ST6GALNAC2: variants seen among roughly 807,000 people sequenced by gnomAD.
The protein encoded by ST6GALNAC2 is alpha-N-acetylgalactosaminide alpha-2,6-sialyltransferase 2.
ST6GALNAC2 carries 42 observed loss-of-function variants against 38.7 expected under a neutral mutation model. The ratio of observed to expected loss-of-function variants is 1.09; its 90% CI spans 0.85 to 1.40. The LOEUF is 1.40. ST6GALNAC2 is among the 40% of genes most tolerant of loss of function. The pLI is 0.00. For synonymous variants in ST6GALNAC2, 233 were observed against 209.0 expected (o/e 1.11, Z -0.99); for missense variants, 506 against 481.7 (o/e 1.05, Z -0.47).
chr17:76,579,630 T>C (rs2075453956), intron 1 of ST6GALNAC2, among the ~76,000 whole-genome samples: 1 of 152,196 alleles, frequency 6.6e-6, no homozygotes, highest in Admixed American at 6.5e-5. Context: ...GATGAGACCT[T>C]TAAGAGGTGA....
At chr17:76,578,893 C>T (rs2075446555) in intron 1 of ST6GALNAC2, 77 bp from the exon 2 acceptor site, 1 of 1,340,092 alleles carries the variant, frequency 7.5e-7, no homozygotes, top group Non-Finnish European at 1.0e-6. Context: ...TGACCGACCC[C>T]CTTAGCTCTA....
chr17:76,583,200 C>T (rs982065930), intron 1 of ST6GALNAC2, among the ~76,000 whole-genome samples: 3 of 151,876 alleles, frequency 2.0e-5, no homozygotes, highest in African/African-American at 7.3e-5. Flanking sequence ...ACGGTGAAAA[C>T]CTGTCTGTAC....
chr17:76,582,163 CCTTTT>C (rs2075485471), intron 1 of ST6GALNAC2, among the ~76,000 whole-genome samples: 1 of 125,458 alleles, frequency 8.0e-6, no homozygotes, highest in Non-Finnish European at 1.6e-5. Context: ...CCGTGCCCAG[CCTTTT>C]TTTTTTTTTT....
In ST6GALNAC2 at chr17:76,568,698, C is replaced by T. The variant is rs761521083; in HGVS notation, c.857+15G>A. 30 of 1,613,234 alleles carry T rather than the reference C, an allele frequency of 1.9e-5. No homozygotes were observed. Among genetic ancestry groups the T allele is most frequent in the African/African-American group, 2.7e-5 (2 of 74,884 alleles). On this transcript the variant is annotated intron_variant, in intron 7 of 8. Coordinates refer to ENST00000225276, the MANE Select transcript of ST6GALNAC2 (RefSeq NM_006456.3). ...AAGGAAGGGGACGCTGTTCTTCAGG[C>T]ACCCCACTCCGTACCTTTCTGTCAG...
intron 3 of ST6GALNAC2, 141 bp downstream of exon 3, chr17:76,574,224 C>T: frequency 2.0e-6 from 2 of 999,654 alleles, no homozygotes; most frequent in Non-Finnish European, 2.9e-6. Flanking sequence ...AGTTGCATAG[C>T]TGGGGCTTCT....
chr17:76,566,991 ACT>A (rs953618024), intron 8 of ST6GALNAC2, among the ~76,000 whole-genome samples: 12 of 151,934 alleles, frequency 7.9e-5, no homozygotes, highest in African/African-American at 1.2e-4. Flanking sequence ...ATCAGGAATG[ACT>A]CTTAACGGTG....
Position 76,570,607 on chromosome 17 carries a change from A to G in ST6GALNAC2, c.731T>C (p.Ile244Thr), listed in dbSNP as rs1347110678. The G allele has an allele frequency of 6.2e-7, 1 of 1,613,350 alleles. No individual in the cohort carries two copies. The highest frequency in any genetic ancestry group is 1.7e-5 in the Admixed American group (1 of 59,954). Residue 244 changes from isoleucine to threonine, a missense_variant, in exon 6 of 9, where the codon ATT (isoleucine) becomes ACT (threonine). Coordinates refer to ENST00000225276, the MANE Select transcript of ST6GALNAC2 (RefSeq NM_006456.3). The stretch of plus-strand genomic sequence containing the variant: ...GCCCTCAGGGACAGGCACGCCCAGA[A>G]TGGCCGATCTCAGCATCACATAGTC... ...IRDYVMLRSA[I>T]LGVPVPEGLD...
Position 76,572,565 on chromosome 17 carries a change from C to T in ST6GALNAC2, c.669+72G>A, listed in dbSNP as rs1448261367. 8 of 1,569,672 alleles carry T rather than the reference C, an allele frequency of 5.1e-6. No individual in the cohort carries two copies. In the South Asian group the frequency reaches 7.9e-5, roughly 16 times the overall value. ...GGACCAGGGTGTGTGAGCCCTGTGG[C>T]CCCCACTGAGGGGACTCCAGGAACA... On this transcript the variant is annotated intron_variant, in intron 5 of 8. Coordinates refer to ENST00000225276, the MANE Select transcript of ST6GALNAC2 (RefSeq NM_006456.3).
At position 76,565,802 on chromosome 17, in the gene ST6GALNAC2, T is replaced by A. The variant is rs987699374; in HGVS notation, c.*302A>T. Reference sequence around the variant, plus strand: ...TTTGCCTTTGACCTGGACTGCTGTCTGATCTTGCTGAACACTCCACCGACA... The same window carrying A: ...TTTGCCTTTGACCTGGACTGCTGTCAGATCTTGCTGAACACTCCACCGACA... On this transcript the variant is annotated 3_prime_UTR_variant, in exon 9 of 9. Transcript: ENST00000225276. 1.0e-5 allele frequency: 3 copies of A among 286,006 alleles called. No individual in the cohort carries two copies. The highest frequency in any genetic ancestry group is 2.0e-5 in the Non-Finnish European group (3 of 152,114). The allele number at this position is 286,006 out of a possible 1,614,324, so 17.7% of individuals were successfully genotyped here.
chr17:76,574,239 GGA>G, intron 3 of ST6GALNAC2, 124 bp downstream of exon 3: 3 of 1,131,296 alleles, frequency 2.7e-6, no homozygotes, highest in Middle Eastern at 2.2e-4. Flanking sequence ...GCTTCTGGGA[GGA>G]GAGAGGGGGA....
chr17:76,567,166 C>T (rs1598241085), intron 8 of ST6GALNAC2, among the ~76,000 whole-genome samples: 1 of 152,166 alleles, frequency 6.6e-6, no homozygotes, highest in South Asian at 2.1e-4. Flanking sequence ...TGAGTGGCTG[C>T]CTTGGAGAAG....
Position 76,565,918 on chromosome 17 carries a change from C to A in ST6GALNAC2, c.*186G>T. 1.7e-6 allele frequency: 1 copy of A among 596,562 alleles called. No homozygotes were observed. Among genetic ancestry groups the A allele is most frequent in the Admixed American group, 3.2e-5 (1 of 31,022 alleles). 37.0% of individuals were successfully genotyped at this position (596,562 alleles called of 1,614,324 possible). ...GTATTGTTTTAGATACAGAAGAGTTCTTGGATGAGCCAAGGACAAGCTGGG... is the reference window on the plus strand; with the variant it reads ...GTATTGTTTTAGATACAGAAGAGTTATTGGATGAGCCAAGGACAAGCTGGG... On this transcript the variant is annotated 3_prime_UTR_variant, in exon 9 of 9. Coordinates refer to ENST00000225276, the MANE Select transcript of ST6GALNAC2 (RefSeq NM_006456.3).
In ST6GALNAC2 at chr17:76,565,593, A is replaced by G. The variant is rs951236420; in HGVS notation, c.*511T>C. 6.6e-6 allele frequency: 1 copy of G among 151,966 alleles called. No individual in the cohort carries two copies. The highest frequency in any genetic ancestry group is 2.4e-5 in the African/African-American group (1 of 41,192). The allele number at this position is 151,966 out of a possible 1,614,324, so 9.4% of individuals were successfully genotyped here. The stretch of plus-strand genomic sequence containing the variant: ...CCAGCCAAAAAAAAAAAAATGGTCC[A>G]TCATGTACGCAGTTATCTAGTCTTA... On this transcript the variant is annotated 3_prime_UTR_variant, in exon 9 of 9. Transcript: ENST00000225276.
chr17:76,582,676 A>G (rs1361916294), intron 1 of ST6GALNAC2, among the ~76,000 whole-genome samples: 1 of 152,192 alleles, frequency 6.6e-6, no homozygotes, highest in Non-Finnish European at 1.5e-5. Flanking sequence ...AATCTGCACT[A>G]AAGAGCCCTC....
In ST6GALNAC2 at chr17:76,585,802, G is replaced by GC. The variant is rs987570005; in HGVS notation, c.6dup (p.Leu3AlafsTer46). On this transcript the variant is annotated frameshift_variant, in exon 1 of 9. Transcript: ENST00000225276. LOFTEE classifies it high-confidence loss of function. ...AGCCAGAAGAACGACCCGCGCGGGA[G>GC]CCCCATACAGCCCCGGCCCGCGAGC... The GC allele has an allele frequency of 1.3e-6, 2 of 1,544,372 alleles. No individual in the cohort carries two copies. The highest frequency in any genetic ancestry group is 2.8e-5 in the African/African-American group (2 of 71,142).
chr17:76,568,794 G>A lies in ST6GALNAC2; in HGVS notation c.776C>T (p.Pro259Leu), dbSNP rs1598244050. ...GGCTTCTGGTCCAAAATAGGCGTGC[G>A]GCCTAGGACCCATGATAGAAGTGGA... ...VPEGLDKGDRPHAYFGPEASA... is the reference protein window; with the variant it reads ...VPEGLDKGDRLHAYFGPEASA... The change falls in exon 7 of 9, where the codon CCG (proline) becomes CTG (leucine). Residue 259 changes from proline (P) to leucine (L), a missense_variant and splice_region_variant. Pro to Leu is a moderately conservative substitution (Grantham distance 98). Transcript: ENST00000225276. 18 of 1,613,006 alleles carry A rather than the reference G, an allele frequency of 1.1e-5. No individual in the cohort carries two copies. Among genetic ancestry groups the A allele is most frequent in the Non-Finnish European group, 1.4e-5 (17 of 1,179,894 alleles).
intron 1 of ST6GALNAC2, among the ~76,000 whole-genome samples, chr17:76,583,881 C>T (rs1324424340): frequency 2.0e-5 from 3 of 148,632 alleles, no homozygotes; most frequent in Non-Finnish European, 3.0e-5. Context: ...GATCTTGGCT[C>T]ACTGCAAGCT....
chr17:76,571,640 A>G (rs1168157571), intron 5 of ST6GALNAC2, among the ~76,000 whole-genome samples: 1 of 152,236 alleles, frequency 6.6e-6, no homozygotes, highest in African/African-American at 2.4e-5. Flanking sequence ...TCCACTTCAC[A>G]GAAGAGAGGT....
chr17:76,570,126 C>T, intron 6 of ST6GALNAC2: 1 of 177,440 alleles, frequency 5.6e-6, no homozygotes, highest in African/African-American at 2.4e-5. Context: ...GGGAAGGATG[C>T]CCAGCAGGAG....
Sources: allele counts gnomAD v4.1 joint callset (sites outside exome capture counted in the v4.1 genomes callset), GRCh38; gene constraint gnomAD v4.1.1; transcripts MANE v1.5; gene names NCBI Gene and HGNC (gene_info 2026-07-23, HGNC 2026-07-21).